The following SYT11 variants were observed in gnomAD, a reference collection of about 807,000 sequenced individuals.
SYT11 encodes synaptotagmin-11.
SYT11 carries 12 observed loss-of-function variants against 30.4 expected under a neutral mutation model. That is an observed-to-expected ratio of 0.39 (90% CI 0.25 to 0.64). SYT11 has a LOEUF of 0.64. SYT11 is among the 30% of genes least tolerant of loss of function. The pLI is 0.45. For missense variants in SYT11, 412 were observed against 552.0 expected (o/e 0.75, Z 2.54); for synonymous variants, 204 against 216.0 (o/e 0.94, Z 0.49).
chr1:155,883,747 T>C lies in SYT11; in HGVS notation c.*2239T>C, dbSNP rs549039851. The C allele has an allele frequency of 6.6e-6, 1 of 152,350 alleles. No individual in the cohort carries two copies. Among genetic ancestry groups the C allele is most frequent in the African/African-American group, 2.4e-5 (1 of 41,554 alleles). 9.4% of individuals were successfully genotyped at this position (152,350 alleles called of 1,614,324 possible). ...AGGGAGTCGGAAAGCTGAGTCTCTATGGACGGGGGGGTGATCTTGCTTTCA... is the reference window on the plus strand; with the variant it reads ...AGGGAGTCGGAAAGCTGAGTCTCTACGGACGGGGGGGTGATCTTGCTTTCA... On this transcript the variant is annotated 3_prime_UTR_variant, in exon 4 of 4. Coordinates refer to ENST00000368324, the MANE Select transcript of SYT11 (RefSeq NM_152280.5).
intron 1 of SYT11, among the ~76,000 whole-genome samples, chr1:155,865,461 C>G (rs867944967): frequency 2.6e-5 from 4 of 151,910 alleles, no homozygotes; most frequent in Non-Finnish European, 2.9e-5. Context: ...AACCCTGTCT[C>G]TACTAAAAAT....
rs763975649 is a variant in SYT11, at chr1:155,868,029, C to T, written c.99C>T (p.Thr33=). The T allele has an allele frequency of 1.5e-5, 24 of 1,613,354 alleles. No individual in the cohort carries two copies. The highest frequency in any genetic ancestry group is 6.7e-5 in the East Asian group (3 of 44,876). The part of the protein sequence containing the change: ...ASVLVVCVSV[T]VFVWSCCHQQ... Reference sequence around the variant, plus strand: ...TGCTGGTGGTGTGTGTCTCGGTGACCGTCTTTGTCTGGTCATGCTGCCACC... The same window carrying T: ...TGCTGGTGGTGTGTGTCTCGGTGACTGTCTTTGTCTGGTCATGCTGCCACC... Residue 33 remains threonine (T), a synonymous_variant, in exon 2 of 4, where the codon ACC becomes ACT. Transcript: ENST00000368324. This position sits in a 1 kb window ranked among gnomAD's most constrained non-coding sequence, Gnocchi z 4.7.
Position 155,868,930 on chromosome 1 carries a change from G to T in SYT11, c.861+139G>T. ...GGAAGCTCTTGGATGTCAAGGATAA[G>T]CAGTGGTCAGAGTAAGACAGAGGGC... On this transcript the variant is annotated intron_variant, in intron 2 of 3. Transcript: ENST00000368324. This position sits in a 1 kb window ranked among gnomAD's most constrained non-coding sequence, Gnocchi z 4.7. 1.2e-6 allele frequency: 1 copy of T among 841,450 alleles called. No individual in the cohort carries two copies. The highest frequency in any genetic ancestry group is 1.8e-6 in the Non-Finnish European group (1 of 552,426). 52.1% of individuals were successfully genotyped at this position (841,450 alleles called of 1,614,324 possible).
chr1:155,875,409 A>AT lies in SYT11; in HGVS notation c.862-5079dup, dbSNP rs1397841621. On this transcript the variant is annotated intron_variant, in intron 2 of 3. Transcript: ENST00000368324. ...AGGAGTGGGTTTAAACCTTGGTTAG[A>AT]TTTTTTTTTTTTCTGAGACAGTCTC... is the stretch of plus-strand genomic sequence containing the variant. 4.7e-3 allele frequency among the ~76,000 whole-genome samples: 695 copies of AT among 146,572 alleles called. 2 individuals carry two copies. The highest frequency in any genetic ancestry group is 0.011 in the Middle Eastern group (3 of 278).
At chr1:155,877,671 A>AG (rs1672888464) in intron 2 of SYT11, among the ~76,000 whole-genome samples, 1 of 150,496 alleles carries the variant, frequency 6.6e-6, no homozygotes, top group South Asian at 2.1e-4. Context: ...CTCCTGCCGC[A>AG]GCCTCCCCAG....
chr1:155,881,080 G>T, intron 3 of SYT11, 118 bp from the exon 4 acceptor site: 4 of 1,046,202 alleles, frequency 3.8e-6, no homozygotes, highest in Non-Finnish European at 4.3e-6. Flanking sequence ...CACATGGGAT[G>T]GCCATCAAAG....
intron 1 of SYT11, among the ~76,000 whole-genome samples, chr1:155,866,538 T>G (rs1672679319): frequency 6.6e-6 from 1 of 152,224 alleles, no homozygotes; most frequent in African/African-American, 2.4e-5. Flanking sequence ...TATATTCTAG[T>G]GAAGATAAAT....
chr1:155,872,568 C>T (rs1442197701), intron 2 of SYT11, among the ~76,000 whole-genome samples: 2 of 152,182 alleles, frequency 1.3e-5, no homozygotes, highest in Non-Finnish European at 2.9e-5. Context: ...GCAGCTCTGT[C>T]AGGCATGAGA....
In SYT11 at chr1:155,881,554, G is replaced by T; in HGVS notation, c.*46G>T. 1 of 1,509,242 alleles carries T rather than the reference G, an allele frequency of 6.6e-7. No individual in the cohort carries two copies. The highest frequency in any genetic ancestry group is 1.3e-5 in the South Asian group (1 of 77,896). 93.5% of individuals were successfully genotyped at this position (1,509,242 alleles called of 1,614,324 possible). A position where few individuals can be genotyped will look rare whatever the true frequency, so the allele number is the denominator to read the frequency against. ...ATCCCCGGGGGCCAAGCTGGGGAGG[G>T]ATGTGGAGGGGAAAAAGATGACAGA... On this transcript the variant is annotated 3_prime_UTR_variant, in exon 4 of 4. Coordinates refer to ENST00000368324, the MANE Select transcript of SYT11 (RefSeq NM_152280.5).
chr1:155,878,895 A>G (rs574345678), intron 2 of SYT11, among the ~76,000 whole-genome samples: 2 of 151,240 alleles, frequency 1.3e-5, no homozygotes, highest in Non-Finnish European at 3.0e-5. Context: ...AAATAAATAA[A>G]TAAATTAATT....
chr1:155,872,632 G>C (rs946841185), intron 2 of SYT11, among the ~76,000 whole-genome samples: 1 of 152,104 alleles, frequency 6.6e-6, no homozygotes, highest in African/African-American at 2.4e-5. Context: ...CAGGGCCTTT[G>C]CCTCACTAGG....
chr1:155,868,882 G>C lies in SYT11; in HGVS notation c.861+91G>C. 4 of 1,302,554 alleles carry C rather than the reference G, an allele frequency of 3.1e-6. No individual in the cohort carries two copies. The highest frequency in any genetic ancestry group is 4.2e-6 in the Non-Finnish European group (4 of 949,580). The allele number at this position is 1,302,554 out of a possible 1,614,324, so 80.7% of individuals were successfully genotyped here. ...TGGAAGTGGGAGGGGAGTGGGTTGGGTGGCAAAGAAGGGCTGTAGAGAGGA... is the reference window on the plus strand; with the variant it reads ...TGGAAGTGGGAGGGGAGTGGGTTGGCTGGCAAAGAAGGGCTGTAGAGAGGA... On this transcript the variant is annotated intron_variant, in intron 2 of 3. Coordinates refer to ENST00000368324, the MANE Select transcript of SYT11 (RefSeq NM_152280.5). This position sits in a 1 kb window ranked among gnomAD's most constrained non-coding sequence, Gnocchi z 4.7.
chr1:155,877,420 G>A (rs548537687), intron 2 of SYT11, among the ~76,000 whole-genome samples: 1 of 150,744 alleles, frequency 6.6e-6, no homozygotes, highest in South Asian at 2.2e-4. Flanking sequence ...GCTTCTTTTT[G>A]ACAGGGTCTC....
chr1:155,876,128 C>G (rs540258134), intron 2 of SYT11, among the ~76,000 whole-genome samples: 23 of 150,950 alleles, frequency 1.5e-4, no homozygotes, highest in Non-Finnish European at 3.1e-4. Context: ...GAGTAGATGA[C>G]ATTTCTTTGG....
chr1:155,879,577 G>T (rs1457104344), intron 2 of SYT11, among the ~76,000 whole-genome samples: 1 of 152,194 alleles, frequency 6.6e-6, no homozygotes, highest in Non-Finnish European at 1.5e-5. Flanking sequence ...CAGAGCAGGT[G>T]TGGATATTCA....
intron 1 of SYT11, among the ~76,000 whole-genome samples, chr1:155,862,250 C>T (rs1016185196): frequency 5.3e-5 from 8 of 152,202 alleles, no homozygotes; most frequent in Non-Finnish European, 1.2e-4. Flanking sequence ...GAGCGAGAAG[C>T]ACAGGTCACT....
chr1:155,859,855 G>A, intron 1 of SYT11, 60 bp downstream of exon 1: 1 of 1,528,786 alleles, frequency 6.5e-7, no homozygotes, highest in Non-Finnish European at 9.1e-7. Context: ...GGCCAAGGGG[G>A]CCCAGCGGCA....
intron 2 of SYT11, among the ~76,000 whole-genome samples, chr1:155,872,603 C>T (rs1461685092): frequency 6.6e-6 from 1 of 152,190 alleles, no homozygotes; most frequent in African/African-American, 2.4e-5. Context: ...CCTTGTCCTT[C>T]TGCTTGCCTG....
chr1:155,881,690 G>T lies in SYT11; in HGVS notation c.*182G>T. The T allele has an allele frequency of 2.0e-6, 1 of 495,452 alleles. No individual in the cohort carries two copies. The highest frequency in any genetic ancestry group is 2.0e-5 in the African/African-American group (1 of 50,512). 30.7% of individuals were successfully genotyped at this position (495,452 alleles called of 1,614,324 possible). A position where few individuals can be genotyped will look rare whatever the true frequency, so the allele number is the denominator to read the frequency against. On this transcript the variant is annotated 3_prime_UTR_variant, in exon 4 of 4. Transcript: ENST00000368324. ...CTGCAGATCAGTTCTTAGCAATGAT[G>T]TTTTTTTTTCTGCTTTGCAAGGCGC...
Sources: allele counts gnomAD v4.1 joint callset (sites outside exome capture counted in the v4.1 genomes callset), GRCh38; gene constraint gnomAD v4.1.1; non-coding constraint Gnocchi (gnomAD v3.1); transcripts MANE v1.5; gene names NCBI Gene and HGNC (gene_info 2026-07-23, HGNC 2026-07-21).